The following PASK variants were observed in gnomAD, a reference collection of about 807,000 sequenced individuals.
The protein encoded by PASK is PAS domain containing serine/threonine kinase.
PASK carries 110 observed loss-of-function variants against 121.0 expected under a neutral mutation model. That is an observed-to-expected ratio of 0.91 (90% CI 0.78 to 1.06). The LOEUF is 1.06. Ranked by LOEUF, PASK falls within the 50% of genes least tolerant of loss-of-function variation. The pLI, the probability that PASK is intolerant of heterozygous loss-of-function variation, is 0.00. For missense variants in PASK, 1,643 were observed against 1,702.3 expected, an observed-to-expected ratio of 0.97 and a Z score of 0.61; for synonymous variants, 686 against 717.8, an observed-to-expected ratio of 0.96 and a Z score of 0.71.
chr2:241,130,649 A>G (rs1013113866), intron 9 of PASK, among the ~76,000 whole-genome samples: 39 of 152,128 alleles, frequency 2.6e-4, no homozygotes, highest in African/African-American at 9.4e-4. Flanking sequence ...TTCCACTCGC[A>G]GTGGAAGTAG....
rs771109982 is a variant in PASK, at chr2:241,108,161, G to A, written c.3667+6C>T. The stretch of plus-strand genomic sequence containing the variant: ...CGACTGTCTACCACTTGCAGCTCAC[G>A]CTCACCTTTGGACACCAGGTATGGC... On this transcript the variant is annotated splice_donor_region_variant and intron_variant, in intron 16 of 17. Coordinates refer to ENST00000234040, the MANE Select transcript of PASK (RefSeq NM_015148.4). This position sits in a 1 kb window ranked among gnomAD's most constrained non-coding sequence, Gnocchi z 5.2. 1.9e-6 allele frequency: 3 copies of A among 1,614,066 alleles called. No homozygotes were observed. Among genetic ancestry groups the A allele is most frequent in the East Asian group, 2.2e-5 (1 of 44,876 alleles).
chr2:241,128,378 T>C (rs1434174504), intron 9 of PASK, among the ~76,000 whole-genome samples: 3 of 152,104 alleles, frequency 2.0e-5, no homozygotes, highest in African/African-American at 7.2e-5. Flanking sequence ...CCTCCAGCAT[T>C]CAGCACATGG....
intron 11 of PASK, 100 bp downstream of exon 11, chr2:241,123,849 T>TGTATTCCC: frequency 1.0e-6 from 1 of 977,616 alleles, no homozygotes; most frequent in Non-Finnish European, 1.6e-6. Flanking sequence ...ACAAACAGAC[T>TGTATTCCC]GTATTCCCGT....
chr2:241,142,803 C>T lies in PASK; in HGVS notation c.196+34G>A, dbSNP rs2074833. 33,517 of 1,476,272 alleles carry T rather than the reference C, an allele frequency of 0.023. 3,017 individuals are homozygous for T. The East Asian group carries it at 0.24, about 11-fold the overall frequency. The allele number at this position is 1,476,272 out of a possible 1,614,324, so 91.4% of individuals were successfully genotyped here. ...GAGCAACTCCACATTTGTATTTCCA[C>T]GCGCTAAGGCCTGCAGTGGTCGAAG... On this transcript the variant is annotated intron_variant, in intron 2 of 17. Transcript: ENST00000234040.
chr2:241,149,992 T>C (rs922245087), upstream of PASK: 11 of 1,412,332 alleles, frequency 7.8e-6, no homozygotes, highest in African/African-American at 1.6e-4. Context: ...CGGGAGAATG[T>C]TGTTGCTCTT....
chr2:241,113,168 C>G (rs185499820), intron 14 of PASK: 2 of 152,370 alleles, frequency 1.3e-5, no homozygotes, highest in Admixed American at 1.3e-4. Context: ...ATGAATTAAA[C>G]GTCTGACTGT....
At chr2:241,137,915 C>A in intron 6 of PASK, 38 bp downstream of exon 6, 1 of 1,611,430 alleles carries the variant, frequency 6.2e-7, no homozygotes, top group South Asian at 1.1e-5. Flanking sequence ...GCTAAGAACT[C>A]CACCCCATCA....
rs139743003 is a variant in PASK at position 241,126,861 on chromosome 2, G to C, written c.2054C>G (p.Thr685Arg). 9.8e-4 allele frequency: 1,583 copies of C among 1,612,890 alleles called. 4 individuals are homozygous for C. The highest frequency in any genetic ancestry group is 1.6e-3 in the Admixed American group (93 of 59,982). The change falls in exon 10 of 18, where the codon ACA (threonine) becomes AGA (arginine). Residue 685 changes from threonine (T) to arginine (R), a missense_variant. Physicochemically the swap from Thr to Arg is moderately conservative, Grantham distance 71. Transcript: ENST00000234040. ...LDVPHAELVP[T>R]ECQAVTAPVS... The stretch of plus-strand genomic sequence containing the variant: ...AGGAGCGGTGACAGCCTGGCACTCT[G>C]TCGGAACGAGTTCGGCGTGGGGGAC...
In PASK at chr2:241,140,557, G is replaced by A. The variant is rs757366914; in HGVS notation, c.393C>T (p.Asn131=). 6.2e-7 allele frequency: 1 copy of A among 1,613,932 alleles called. No individual in the cohort carries two copies. The highest frequency in any genetic ancestry group is 2.2e-5 in the East Asian group (1 of 44,882). ...PLLPAPVCNP[N]KAIFTVDAKT... ...TGGCATCCACCGTGAAGATGGCCTT[G>A]TTAGGGTTGCACACAGGGGCCGGAA... Residue 131 remains asparagine (N), a synonymous_variant, in exon 3 of 18, where the codon AAC becomes AAT. Coordinates refer to ENST00000234040, the MANE Select transcript of PASK (RefSeq NM_015148.4).
chr2:241,144,536 CCA>C (rs1388756077), intron 1 of PASK, among the ~76,000 whole-genome samples: 1 of 152,198 alleles, frequency 6.6e-6, no homozygotes, highest in African/African-American at 2.4e-5. Flanking sequence ...ATCCAGAACC[CCA>C]GAGTTCCCAG....
At chr2:241,106,784 G>T in intron 17 of PASK, 61 bp from the exon 18 acceptor site, 1 of 1,538,776 alleles carries the variant, frequency 6.5e-7, no homozygotes, top group Non-Finnish European at 9.0e-7. Flanking sequence ...AAAATACTTT[G>T]CTTCTCACTT....
At chr2:241,149,504 C>T (rs1450203601), upstream of PASK, 1 of 718,496 alleles carries the variant, frequency 1.4e-6, no homozygotes, top group Admixed American at 2.8e-5. Flanking sequence ...CGCACAGCGA[C>T]TAGCACCGAT....
At chr2:241,139,725 G>A (rs893694372) in intron 4 of PASK, 160 bp downstream of exon 4, 12 of 744,048 alleles carry the variant, frequency 1.6e-5, no homozygotes, top group South Asian at 3.0e-5. Flanking sequence ...CAGCTGAAGC[G>A]GGGAAACGGC....
chr2:241,135,615 A>G (rs2066375249), intron 8 of PASK, among the ~76,000 whole-genome samples: 1 of 152,076 alleles, frequency 6.6e-6, no homozygotes, highest in Non-Finnish European at 1.5e-5. Flanking sequence ...CTCGGATATC[A>G]TGGGCACTGG....
At chr2:241,121,695 A>C (rs2065620061) in intron 12 of PASK, among the ~76,000 whole-genome samples, 2 of 152,374 alleles carry the variant, frequency 1.3e-5, no homozygotes, top group South Asian at 4.1e-4. Context: ...TGTGAACACA[A>C]ATCAAATGAA....
upstream of PASK, chr2:241,149,667 G>T (rs1350774631): frequency 6.5e-7 from 1 of 1,545,620 alleles, no homozygotes; most frequent in Non-Finnish European, 8.7e-7. Flanking sequence ...CCGCCCCCGG[G>T]CCGGGCAGAT....
In PASK at chr2:241,122,793, G is replaced by A. The variant is rs374635333; in HGVS notation, c.3011C>T (p.Pro1004Leu). The A allele has an allele frequency of 2.1e-5, 34 of 1,614,046 alleles. No homozygotes were observed. Among genetic ancestry groups the A allele is most frequent in the African/African-American group, 2.7e-5 (2 of 74,922 alleles). ...GAAGCCGAAGGCCCCACTGCCCAGC[G>A]GGCTCATGGTACTGTACTTTTGGGA... ...EYSQKYSTMS[P>L]LGSGAFGFVW... Residue 1004 changes from proline (P) to leucine (L), a missense_variant, in exon 12 of 18, where the codon CCG (proline) becomes CTG (leucine). By Grantham distance (98) the Pro-to-Leu change is moderately conservative (BLOSUM62 -3). Coordinates refer to ENST00000234040, the MANE Select transcript of PASK (RefSeq NM_015148.4).
chr2:241,115,624 G>A (rs371386228), intron 12 of PASK, among the ~76,000 whole-genome samples: 27 of 141,260 alleles, frequency 1.9e-4, no homozygotes, highest in African/African-American at 5.3e-4. Context: ...GGGACACCCA[G>A]TCCTCAAGCA....
At chr2:241,136,543 G>A (rs866939166) in intron 7 of PASK, among the ~76,000 whole-genome samples, 1 of 152,182 alleles carries the variant, frequency 6.6e-6, no homozygotes, top group Admixed American at 6.5e-5. Flanking sequence ...CCTCACAGAG[G>A]GCACAAGTGT....
Sources: allele counts gnomAD v4.1 joint callset (sites outside exome capture counted in the v4.1 genomes callset), GRCh38; gene constraint gnomAD v4.1.1; non-coding constraint Gnocchi (gnomAD v3.1); transcripts MANE v1.5; gene names NCBI Gene and HGNC (gene_info 2026-07-23, HGNC 2026-07-21).